Variants in WDR7 observed in about 807,000 individuals in gnomAD.
WDR7 encodes the protein WD repeat-containing protein 7.
In WDR7, 46 loss-of-function variants were observed where a neutral mutation model predicts 169.4. The ratio of observed to expected loss-of-function variants is 0.27; its 90% CI spans 0.21 to 0.35. The LOEUF (loss-of-function observed/expected upper bound fraction) is 0.35, where lower values mean the gene tolerates loss of function less well. WDR7 is among the 10% of genes least tolerant of loss of function. The pLI, the probability that WDR7 is intolerant of heterozygous loss-of-function variation, is 1.00. For missense variants in WDR7, 1,534 were observed against 1,859.3 expected (o/e 0.83, Z 3.22); for synonymous variants, 612 against 666.8 (o/e 0.92, Z 1.27).
At position 56,984,870 on chromosome 18, in the gene WDR7, GC is replaced by G. The variant is rs146967952; in HGVS notation, c.4164+22342del. On this transcript the variant is annotated intron_variant, in intron 26 of 27. Transcript: ENST00000254442. ...AGCGTACTGTGGGAAGTGGAGCAGG[GC>G]AGTGCCCTTCCCTGGCTGTATTGAT... Among the ~76,000 whole-genome samples the G allele has an allele frequency of 7.6e-3, 1,160 of 152,270 alleles. 13 individuals are homozygous for G. The highest frequency in any genetic ancestry group is 0.027 in the African/African-American group (1,111 of 41,552).
In WDR7 at chr18:56,674,592, TAC is replaced by T. The variant is rs1264525085; in HGVS notation, c.159+1920_159+1921del. 9.3e-4 allele frequency among the ~76,000 whole-genome samples: 142 copies of T among 152,218 alleles called. 2 individuals are homozygous for T. The highest frequency in any genetic ancestry group is 3.5e-4 in the Non-Finnish European group (24 of 68,034). On this transcript the variant is annotated intron_variant, in intron 2 of 27. Coordinates refer to ENST00000254442, the MANE Select transcript of WDR7 (RefSeq NM_015285.3). ...CAAATCCCTTAACAGATATAAGATT[TAC>T]ATTTATTTTCTCCCATTTTATCAGT...
intron 26 of WDR7, among the ~76,000 whole-genome samples, chr18:56,977,689 A>G (rs866537211): frequency 2.3e-4 from 35 of 152,266 alleles, no homozygotes; most frequent in African/African-American, 8.4e-4. Flanking sequence ...TTAAAAACGT[A>G]GTTTACTTTT....
intron 20 of WDR7, among the ~76,000 whole-genome samples, chr18:56,863,161 T>C (rs1302095177): frequency 6.6e-6 from 1 of 151,806 alleles, no homozygotes; most frequent in African/African-American, 2.4e-5. Context: ...AACATAGTTG[T>C]TTAGTATATA....
intron 12 of WDR7, among the ~76,000 whole-genome samples, chr18:56,701,931 C>CT (rs2025843057): frequency 2.6e-5 from 4 of 152,094 alleles, no homozygotes; most frequent in Non-Finnish European, 5.9e-5. Context: ...AGAATATTAG[C>CT]TTAATTTTAT....
chr18:56,786,409 G>T (rs1568194096), intron 19 of WDR7, among the ~76,000 whole-genome samples: 1 of 151,936 alleles, frequency 6.6e-6, no homozygotes, highest in Non-Finnish European at 1.5e-5. Context: ...TGCACCTGTA[G>T]TCCCAGCTAC....
intron 21 of WDR7, among the ~76,000 whole-genome samples, chr18:56,918,558 AT>A (rs1270773666): frequency 6.6e-6 from 1 of 152,206 alleles, no homozygotes; most frequent in Admixed American, 6.5e-5. Flanking sequence ...TATTAAAAAA[AT>A]GTATTCACCA....
chr18:56,712,679 A>G (rs998204859), intron 12 of WDR7, among the ~76,000 whole-genome samples: 2 of 152,210 alleles, frequency 1.3e-5, no homozygotes, highest in Non-Finnish European at 2.9e-5. Context: ...GTAAAATACT[A>G]TCTAAGTTGA....
At chr18:56,710,503 T>C (rs1445076043) in intron 12 of WDR7, among the ~76,000 whole-genome samples, 3 of 152,230 alleles carry the variant, frequency 2.0e-5, no homozygotes, top group Non-Finnish European at 2.9e-5. Context: ...TACTTAGCAA[T>C]TCTACCTTGG....
chr18:56,984,499 G>C (rs1205444908), intron 26 of WDR7, among the ~76,000 whole-genome samples: 4 of 152,082 alleles, frequency 2.6e-5, no homozygotes, highest in Admixed American at 1.3e-4. Flanking sequence ...TGATCTGTTT[G>C]AGCACTAGCA....
chr18:56,713,907 A>G (rs1033745387), intron 12 of WDR7, among the ~76,000 whole-genome samples: 1 of 152,126 alleles, frequency 6.6e-6, no homozygotes, highest in African/African-American at 2.4e-5. Context: ...GTTGTGTTTT[A>G]TCAGAACTTT....
chr18:56,882,382 A>C (rs2046121324), intron 21 of WDR7, among the ~76,000 whole-genome samples: 1 of 152,228 alleles, frequency 6.6e-6, no homozygotes. Context: ...AGAAATGTCT[A>C]ATCCTTTGCA....
intron 20 of WDR7, among the ~76,000 whole-genome samples, chr18:56,836,791 G>A (rs192444964): frequency 4.4e-4 from 67 of 152,194 alleles, no homozygotes; most frequent in Non-Finnish European, 6.9e-4. Flanking sequence ...ATTAGTCAAC[G>A]GGAATTTTTA....
intron 26 of WDR7, among the ~76,000 whole-genome samples, chr18:57,000,933 T>G (rs1005898180): frequency 6.6e-6 from 1 of 152,072 alleles, no homozygotes; most frequent in Non-Finnish European, 1.5e-5. Context: ...TGTAGGGCCA[T>G]GTATAGTGAA....
chr18:56,691,694 T>A lies in WDR7; in HGVS notation c.864-21T>A, dbSNP rs759526199. 15 of 1,589,786 alleles carry A rather than the reference T, an allele frequency of 9.4e-6. No homozygotes were observed. The South Asian group carries it at 1.6e-4, about 17-fold the overall frequency. Reference sequence around the variant, plus strand: ...TTAATGTCAGTATTTTAATTGAATATTGTATTTTTCCCATATTCAGTTGCC... The same window carrying A: ...TTAATGTCAGTATTTTAATTGAATAATGTATTTTTCCCATATTCAGTTGCC... On this transcript the variant is annotated intron_variant, in intron 8 of 27. Coordinates refer to ENST00000254442, the MANE Select transcript of WDR7 (RefSeq NM_015285.3).
chr18:56,830,016 A>C (rs1203329778), intron 20 of WDR7, among the ~76,000 whole-genome samples: 2 of 152,238 alleles, frequency 1.3e-5, no homozygotes, highest in Non-Finnish European at 2.9e-5. Flanking sequence ...AATGGGGAAA[A>C]TTGGATCCAA....
At chr18:56,925,050 G>T (rs1167103935) in intron 22 of WDR7, among the ~76,000 whole-genome samples, 2 of 152,146 alleles carry the variant, frequency 1.3e-5, no homozygotes, top group Non-Finnish European at 2.9e-5. Context: ...TTTGTGACTG[G>T]CTTCTTCACT....
chr18:56,978,826 A>G (rs1235681668), intron 26 of WDR7, among the ~76,000 whole-genome samples: 1 of 152,204 alleles, frequency 6.6e-6, no homozygotes, highest in East Asian at 1.9e-4. Flanking sequence ...CTACGTTTCT[A>G]TAGCATGCCC....
At chr18:56,810,723 T>TGGATACCTTG (rs1326866567) in intron 19 of WDR7, among the ~76,000 whole-genome samples, 2 of 152,178 alleles carry the variant, frequency 1.3e-5, no homozygotes, top group African/African-American at 4.8e-5. Context: ...TGAGGTGGCA[T>TGGATACCTTG]GGATACCTTG....
intron 1 of WDR7, among the ~76,000 whole-genome samples, chr18:56,652,206 C>T (rs2024671779): frequency 6.6e-6 from 1 of 152,120 alleles, no homozygotes. Flanking sequence ...TAGTATGTCA[C>T]TTTTTGAGGC....
Sources: gnomAD v4.1 joint callset for allele counts (sites outside exome capture counted in the v4.1 genomes callset) on GRCh38, gnomAD v4.1.1 for gene constraint, MANE v1.5 for transcripts, NCBI Gene and HGNC (gene_info 2026-07-23, HGNC 2026-07-21) for gene names.